EYA1: variants seen among roughly 807,000 people sequenced by gnomAD.
EYA1 encodes the protein protein phosphatase EYA1.
A neutral mutation model predicts 82.0 loss-of-function variants in EYA1; 16 were observed. The observed-to-expected ratio is 0.20, with a 90% CI of 0.13 to 0.30. The LOEUF (loss-of-function observed/expected upper bound fraction) is 0.30. Among genes scored for constraint, EYA1 ranks in the 10% least tolerant of loss-of-function variants. EYA1 has a pLI of 1.00. For missense variants in EYA1, 633 were observed against 730.7 expected (o/e 0.87, Z 1.54); for synonymous variants, 261 against 264.4 (o/e 0.99, Z 0.12).
At chr8:71,482,285 C>T (rs1489042611) in intron 2 of EYA1, among the ~76,000 whole-genome samples, 4 of 152,122 alleles carry the variant, frequency 2.6e-5, no homozygotes, top group East Asian at 1.9e-4. Flanking sequence ...AAAAAGCATA[C>T]GAAAAGGTGT....
intron 2 of EYA1, among the ~76,000 whole-genome samples, chr8:71,381,716 A>G (rs1248170275): frequency 6.6e-6 from 1 of 152,206 alleles, no homozygotes; most frequent in African/African-American, 2.4e-5. Flanking sequence ...TGCTTTGAAG[A>G]ATCTTCCCCT....
intron 2 of EYA1, among the ~76,000 whole-genome samples, chr8:71,380,992 C>T (rs1324952658): frequency 1.3e-5 from 2 of 152,254 alleles, no homozygotes; most frequent in African/African-American, 2.4e-5. Context: ...CTGCAGCCTG[C>T]AGGTGGACTG....
chr8:71,396,875 G>A (rs559193326), intron 2 of EYA1, among the ~76,000 whole-genome samples: 4 of 152,314 alleles, frequency 2.6e-5, no homozygotes, highest in South Asian at 4.1e-4. Flanking sequence ...TCTGTCTAAT[G>A]TTGACAGTGT....
At chr8:71,240,968 C>T (rs900291371) in intron 12 of EYA1, among the ~76,000 whole-genome samples, 2 of 152,212 alleles carry the variant, frequency 1.3e-5, no homozygotes, top group African/African-American at 2.4e-5. Flanking sequence ...TACTGTCATT[C>T]ATAAAAAATG....
At chr8:71,424,550 A>G (rs1831314811) in intron 2 of EYA1, among the ~76,000 whole-genome samples, 2 of 152,206 alleles carry the variant, frequency 1.3e-5, no homozygotes. Context: ...GCCCACTCAC[A>G]TGAAAAAACT....
intron 2 of EYA1, chr8:71,470,935 T>TA (rs759983790): frequency 4.1e-3 from 1,497 of 363,410 alleles, no homozygotes; most frequent in East Asian, 8.1e-3. Context: ...CAATGGGCTT[T>TA]AAAAAAAAAA....
rs535996794 is a variant in EYA1 at position 71,383,106 on chromosome 8, C to G, written c.34-26595G>C. Among the ~76,000 whole-genome samples the G allele has an allele frequency of 1.7e-4, 25 of 144,776 alleles. No individual in the cohort carries two copies. In the South Asian group the frequency reaches 5.5e-3, roughly 32 times the overall value. The allele number at this position is 144,776 out of a possible 152,430, so 95.0% of individuals were successfully genotyped here. On this transcript the variant is annotated intron_variant, in intron 2 of 18. Coordinates refer to the EYA1 transcript ENST00000643681. Reference sequence around the variant, plus strand: ...TCTAACAGCACCTATTTTTTTTTTGCATTACCAATTTATAAACTATGACCT... The same window carrying G: ...TCTAACAGCACCTATTTTTTTTTTGGATTACCAATTTATAAACTATGACCT...
chr8:71,357,647 G>A (rs902179556), intron 1 of EYA1, among the ~76,000 whole-genome samples: 3 of 152,194 alleles, frequency 2.0e-5, no homozygotes, highest in African/African-American at 7.2e-5. Flanking sequence ...AACGTCTTCT[G>A]TTAAGTCCTG....
At chr8:71,460,139 A>G (rs1456451408) in intron 2 of EYA1, among the ~76,000 whole-genome samples, 1 of 152,224 alleles carries the variant, frequency 6.6e-6, no homozygotes, top group Non-Finnish European at 1.5e-5. Context: ...CAGGTGTTCA[A>G]TCTAAGATGA....
At chr8:71,348,850 T>A (rs1045778709) in intron 3 of EYA1, among the ~76,000 whole-genome samples, 1 of 152,230 alleles carries the variant, frequency 6.6e-6, no homozygotes, top group Non-Finnish European at 1.5e-5. Flanking sequence ...GTTGCTTGGC[T>A]GGTATAATTT....
chr8:71,528,749 C>T (rs182250517), intron 2 of EYA1, among the ~76,000 whole-genome samples: 16 of 152,314 alleles, frequency 1.1e-4, no homozygotes, highest in Non-Finnish European at 5.9e-5. Flanking sequence ...GGTCCTGAAT[C>T]TGCGCTCTCA....
chr8:71,361,261 C>G (rs978245211), intron 1 of EYA1, among the ~76,000 whole-genome samples: 3 of 152,232 alleles, frequency 2.0e-5, no homozygotes, highest in African/African-American at 7.2e-5. Flanking sequence ...CATATATGTA[C>G]CGCTTTATTC....
At chr8:71,360,460 C>A (rs1827273090) in intron 1 of EYA1, among the ~76,000 whole-genome samples, 2 of 152,194 alleles carry the variant, frequency 1.3e-5, no homozygotes, top group South Asian at 2.1e-4. Context: ...CAGTGGACTT[C>A]CATTTGGCCC....
intron 2 of EYA1, among the ~76,000 whole-genome samples, chr8:71,376,578 G>T (rs1437661182): frequency 6.6e-6 from 1 of 152,088 alleles, no homozygotes; most frequent in African/African-American, 2.4e-5. Flanking sequence ...TCTGACCAGG[G>T]TTTTCTCTGG....
At chr8:71,313,568 G>A (rs1381456838) in intron 7 of EYA1, among the ~76,000 whole-genome samples, 2 of 152,134 alleles carry the variant, frequency 1.3e-5, no homozygotes, top group Non-Finnish European at 2.9e-5. Flanking sequence ...CCACAGGTTG[G>A]TCAGAGTGAT....
intron 9 of EYA1, among the ~76,000 whole-genome samples, chr8:71,275,560 G>A (rs1308184830): frequency 1.3e-5 from 2 of 152,140 alleles, no homozygotes; most frequent in Non-Finnish European, 2.9e-5. Context: ...TGTGTACAAG[G>A]GTTGGGCACA....
intron 12 of EYA1, among the ~76,000 whole-genome samples, chr8:71,239,853 A>G (rs1812267081): frequency 6.6e-6 from 1 of 152,190 alleles, no homozygotes; most frequent in South Asian, 2.1e-4. Flanking sequence ...TAGGTGAGTT[A>G]TATTTTCCCA....
rs758933113 is a variant in EYA1 at position 71,217,009 on chromosome 8, G to T, written c.1155C>A (p.Val385=). ...CATCTGAAGAAACATCATCTATATG[G>T]ACTTGGTCACATTCCTAAAATGCAA... ...FFNDLEECDQ[V]HIDDVSSDDN... The change falls in exon 13 of 18, where the codon GTC becomes GTA. Residue 385 remains valine (V), a synonymous_variant. Coordinates refer to ENST00000340726, the MANE Select transcript of EYA1 (RefSeq NM_000503.6). 5.0e-6 allele frequency: 8 copies of T among 1,612,890 alleles called. No homozygotes were observed. In the Admixed American group the frequency reaches 1.2e-4, roughly 24 times the overall value.
In EYA1 at chr8:71,418,327, T is replaced by C. The variant is rs141849112; in HGVS notation, c.34-61816A>G. The stretch of plus-strand genomic sequence containing the variant: ...TAGCTACTCTTAAAAAATGAGAAGA[T>C]GTATCATCCCTGAGCTCAGAGTCCC... On this transcript the variant is annotated intron_variant, in intron 2 of 18. Coordinates refer to the EYA1 transcript ENST00000643681. Among the ~76,000 whole-genome samples, 14 of 152,310 alleles carry C rather than the reference T, an allele frequency of 9.2e-5. 1 individual carries two copies. In the East Asian group the frequency reaches 2.5e-3, roughly 27 times the overall value.
Sources: gnomAD v4.1 joint callset for allele counts (sites outside exome capture counted in the v4.1 genomes callset) on GRCh38, gnomAD v4.1.1 for gene constraint, MANE v1.5 for transcripts, NCBI Gene and HGNC (gene_info 2026-07-23, HGNC 2026-07-21) for gene names.